Variants in CDH13 observed in about 807,000 individuals in gnomAD.
The protein encoded by CDH13 is cadherin 13.
A neutral mutation model predicts 63.8 loss-of-function variants in CDH13; 24 were observed. The observed-to-expected ratio is 0.38, with a 90% CI of 0.27 to 0.53. CDH13 has a LOEUF of 0.53. Ranked by LOEUF, CDH13 falls within the 20% of genes least tolerant of loss-of-function variation. The pLI is 0.85. For missense variants in CDH13, 1,049 were observed against 903.1 expected (o/e 1.16, Z -2.07); for synonymous variants, 503 against 355.3 (o/e 1.42, Z -4.67).
intron 8 of CDH13, among the ~76,000 whole-genome samples, chr16:83,613,840 A>ATT (rs34741450): frequency 3.3e-5 from 5 of 151,878 alleles, no homozygotes; most frequent in Non-Finnish European, 7.4e-5. Flanking sequence ...CTCAAAAAAA[A>ATT]TTTTTTTTAA....
At chr16:83,657,931 C>G (rs996758881) in intron 8 of CDH13, among the ~76,000 whole-genome samples, 4 of 83,214 alleles carry the variant, frequency 4.8e-5, no homozygotes, top group Non-Finnish European at 1.0e-4. Flanking sequence ...TCCCATGTCC[C>G]CACCACCAGG....
intron 4 of CDH13, among the ~76,000 whole-genome samples, chr16:83,213,238 C>T (rs1490561955): frequency 1.3e-5 from 2 of 152,162 alleles, no homozygotes; most frequent in Non-Finnish European, 1.5e-5. Context: ...GTCTGTACCA[C>T]CAAGTGGCTC....
chr16:82,948,108 G>T (rs1027877424), intron 2 of CDH13, among the ~76,000 whole-genome samples: 1 of 152,034 alleles, frequency 6.6e-6, no homozygotes, highest in Non-Finnish European at 1.5e-5. Context: ...TAGTAAAGCC[G>T]GTAACTCTAA....
At chr16:83,038,469 G>A (rs1917057423) in intron 3 of CDH13, among the ~76,000 whole-genome samples, 1 of 152,174 alleles carries the variant, frequency 6.6e-6, no homozygotes, top group Non-Finnish European at 1.5e-5. Context: ...CTGACAAATT[G>A]TTATGGAAGA....
intron 2 of CDH13, chr16:82,859,360 C>G (rs1378078687): frequency 6.6e-6 from 1 of 152,270 alleles, no homozygotes; most frequent in Non-Finnish European, 1.5e-5. Flanking sequence ...AAGTTCAAGA[C>G]CAGTCTGGGC....
intron 11 of CDH13, among the ~76,000 whole-genome samples, chr16:83,760,283 C>G (rs912538985): frequency 6.6e-6 from 1 of 152,158 alleles, no homozygotes; most frequent in Admixed American, 6.6e-5. Flanking sequence ...GGTACAGCCA[C>G]GTTGGAAACA....
At chr16:83,690,368 G>T (rs957679207) in intron 10 of CDH13, among the ~76,000 whole-genome samples, 1 of 152,176 alleles carries the variant, frequency 6.6e-6, no homozygotes, top group African/African-American at 2.4e-5. Context: ...GTGCTGTGAT[G>T]CTTCAGTGAA....
rs2035764551 is a variant in CDH13 at position 83,125,365 on chromosome 16, C to A, written c.367-20C>A. On this transcript the variant is annotated intron_variant, in intron 3 of 13. Transcript: ENST00000567109. The stretch of plus-strand genomic sequence containing the variant: ...ATTTCAATGGGAGATTTTAATCAAT[C>A]CTTTTGTTTTCCCTTTTAGGATATA... The A allele has an allele frequency of 1.6e-6, 2 of 1,281,306 alleles. No individual in the cohort carries two copies. The highest frequency in any genetic ancestry group is 1.5e-5 in the African/African-American group (1 of 68,560). The allele number at this position is 1,281,306 out of a possible 1,614,324, so 79.4% of individuals were successfully genotyped here.
chr16:83,403,867 A>G (rs1382389115), intron 6 of CDH13, among the ~76,000 whole-genome samples: 6 of 152,196 alleles, frequency 3.9e-5, no homozygotes, highest in South Asian at 4.1e-4. Flanking sequence ...AATAAAAGGA[A>G]GGTGATTTAC....
At chr16:83,708,702 C>G (rs1624528) in intron 10 of CDH13, among the ~76,000 whole-genome samples, 114,083 of 152,108 alleles carry the variant, frequency 0.75, 43,153 homozygotes, top group African/African-American at 0.8. Flanking sequence ...CATCAGGATA[C>G]ACCCATTTTC....
At chr16:82,871,907 G>C (rs543668850) in intron 2 of CDH13, among the ~76,000 whole-genome samples, 1 of 152,278 alleles carries the variant, frequency 6.6e-6, no homozygotes, top group Admixed American at 6.5e-5. Flanking sequence ...CAGAGCATCT[G>C]TTTTCCCAGT....
chr16:83,700,394 C>T (rs1906039947), intron 10 of CDH13, among the ~76,000 whole-genome samples: 2 of 152,238 alleles, frequency 1.3e-5, no homozygotes, highest in South Asian at 2.1e-4. Flanking sequence ...TTTAGAAACC[C>T]ATGGTTGTTA....
chr16:83,200,545 T>C (rs903127832), intron 4 of CDH13, among the ~76,000 whole-genome samples: 1 of 152,200 alleles, frequency 6.6e-6, no homozygotes, highest in Non-Finnish European at 1.5e-5. Flanking sequence ...CCCTGTATCC[T>C]TGTGGGTTAG....
At chr16:83,045,097 C>A (rs780098513) in intron 3 of CDH13, among the ~76,000 whole-genome samples, 7 of 152,198 alleles carry the variant, frequency 4.6e-5, no homozygotes, top group Non-Finnish European at 7.3e-5. Flanking sequence ...TACTTGGTCA[C>A]TGCCGGCTTT....
At chr16:82,925,579 G>T (rs1249790029) in intron 2 of CDH13, among the ~76,000 whole-genome samples, 2 of 152,226 alleles carry the variant, frequency 1.3e-5, no homozygotes, top group East Asian at 3.9e-4. Flanking sequence ...CATTGTGGCA[G>T]ATGAAGATCA....
intron 2 of CDH13, among the ~76,000 whole-genome samples, chr16:82,913,460 A>G (rs1020413166): frequency 6.6e-6 from 1 of 152,030 alleles, no homozygotes; most frequent in Non-Finnish European, 1.5e-5. Context: ...CCTGGACTGT[A>G]ATTAAAGGGA....
At chr16:83,363,219 G>C (rs994774566) in intron 6 of CDH13, among the ~76,000 whole-genome samples, 3 of 152,242 alleles carry the variant, frequency 2.0e-5, no homozygotes, top group Admixed American at 6.5e-5. Context: ...CGTATTTCTA[G>C]AAGCTGGGAG....
At chr16:82,886,691 C>T (rs190873270) in intron 2 of CDH13, among the ~76,000 whole-genome samples, 3 of 152,224 alleles carry the variant, frequency 2.0e-5, no homozygotes, top group African/African-American at 7.2e-5. Flanking sequence ...GCTCCATGCA[C>T]TGTTCTAAGC....
intron 2 of CDH13, among the ~76,000 whole-genome samples, chr16:82,965,596 A>T (rs760558447): frequency 6.6e-6 from 1 of 152,092 alleles, no homozygotes; most frequent in Non-Finnish European, 1.5e-5. Context: ...CAGTGGTGTG[A>T]TCTTGGCTCA....
Sources: allele counts gnomAD v4.1 joint callset (sites outside exome capture counted in the v4.1 genomes callset), GRCh38; gene constraint gnomAD v4.1.1; transcripts MANE v1.5; gene names NCBI Gene and HGNC (gene_info 2026-07-23, HGNC 2026-07-21).